Variants in NT5C3A observed in about 807,000 individuals in gnomAD.
NT5C3A encodes the protein cytosolic 5'-nucleotidase 3A.
A neutral mutation model predicts 40.0 loss-of-function variants in NT5C3A; 23 were observed. The ratio of observed to expected loss-of-function variants is 0.58; its 90% confidence interval spans 0.41 to 0.81. The LOEUF is 0.81. NT5C3A is among the 40% of genes least tolerant of loss of function. The pLI, the probability that NT5C3A is intolerant of heterozygous loss-of-function variation, is 0.00. For missense variants in NT5C3A, 328 were observed against 403.0 expected (o/e 0.81, Z 1.59); for synonymous variants, 130 against 141.4 (o/e 0.92, Z 0.57).
chr7:33,060,970 T>G (rs1191572768), intron 1 of NT5C3A, among the ~76,000 whole-genome samples: 1 of 152,248 alleles, frequency 6.6e-6, no homozygotes, highest in Non-Finnish European at 1.5e-5. Context: ...TTGACTGATT[T>G]CTTTAGTACC....
At chr7:33,062,158 T>C (rs1787801727) in intron 1 of NT5C3A, among the ~76,000 whole-genome samples, 1 of 151,616 alleles carries the variant, frequency 6.6e-6, no homozygotes, top group African/African-American at 2.4e-5. Context: ...CGGCAACGGT[T>C]TGACGCGGAT....
At chr7:33,025,667 C>T (rs1785888169) in intron 2 of NT5C3A, among the ~76,000 whole-genome samples, 1 of 152,152 alleles carries the variant, frequency 6.6e-6, no homozygotes. Flanking sequence ...AATGCTTGTA[C>T]ACAGCATGAG....
chr7:33,030,609 G>GT (rs1786194909), intron 1 of NT5C3A, among the ~76,000 whole-genome samples: 1 of 152,136 alleles, frequency 6.6e-6, no homozygotes, highest in Non-Finnish European at 1.5e-5. Flanking sequence ...AAGAATCAGG[G>GT]TATGTTGGTT....
chr7:33,026,401 T>C (rs935880082), intron 2 of NT5C3A, among the ~76,000 whole-genome samples: 18 of 151,482 alleles, frequency 1.2e-4, no homozygotes, highest in African/African-American at 4.4e-4. Context: ...GCTTTTATTT[T>C]TGGAGTGCAG....
intron 1 of NT5C3A, among the ~76,000 whole-genome samples, chr7:33,044,384 C>CT (rs1475850774): frequency 5.4e-5 from 4 of 74,652 alleles, no homozygotes; most frequent in African/African-American, 1.2e-4. Flanking sequence ...CTCTAGGGCA[C>CT]TTAAAAAAAT....
Position 33,026,904 on chromosome 7 carries a change from G to A in NT5C3A, c.150C>T (p.Phe50=). The change falls in exon 2 of 9, where the codon TTC becomes TTT. Residue 50 remains phenylalanine (F), a synonymous_variant. Coordinates refer to ENST00000610140, the MANE Select transcript of NT5C3A (RefSeq NM_001002010.5). ...TCTTGATTCGAACTGAACTTTTCTG[G>A]AATTCTGGCATCTAAAAGTAAAAGA... The part of the protein sequence containing the change: ...KTKIIEMMPE[F]QKSSVRIKNP... The A allele has an allele frequency of 6.2e-7, 1 of 1,609,574 alleles. No individual in the cohort carries two copies. Among genetic ancestry groups the A allele is most frequent in the Non-Finnish European group, 8.5e-7 (1 of 1,176,998 alleles).
intron 7 of NT5C3A, among the ~76,000 whole-genome samples, chr7:33,016,669 CAA>C (rs386409862): frequency 8.7e-5 from 8 of 91,858 alleles, no homozygotes; most frequent in Admixed American, 1.1e-4. Context: ...GACTCCCTCT[CAA>C]AAAAAAAAAA....
intron 1 of NT5C3A, among the ~76,000 whole-genome samples, chr7:33,061,696 A>AT (rs1787785645): frequency 1.3e-5 from 2 of 152,192 alleles, no homozygotes; most frequent in Admixed American, 6.5e-5. Flanking sequence ...TTTTTCTATC[A>AT]TAAATCATCT....
At chr7:33,061,200 A>T (rs1011614677) in intron 1 of NT5C3A, among the ~76,000 whole-genome samples, 1 of 152,226 alleles carries the variant, frequency 6.6e-6, no homozygotes, top group Non-Finnish European at 1.5e-5. Context: ...TGGGCAAAAG[A>T]AAGCCAAGTT....
chr7:33,034,047 C>T (rs563848703), intron 1 of NT5C3A, among the ~76,000 whole-genome samples: 13 of 151,706 alleles, frequency 8.6e-5, no homozygotes, highest in East Asian at 5.8e-4. Flanking sequence ...CCCGCCACCA[C>T]GCCTGGATAA....
chr7:33,054,090 A>T (rs2893459), intron 1 of NT5C3A, among the ~76,000 whole-genome samples: 152,288 of 152,290 alleles, frequency 1, 76,143 homozygotes, highest in Non-Finnish European at 1. Context: ...GCATGGTGGC[A>T]CATGTCTGTA....
At position 33,014,631 on chromosome 7, in the gene NT5C3A, G is replaced by A. The variant is rs765382531; in HGVS notation, c.*99C>T. ...TTCAGTTATACAAAGGGAACACTTC[G>A]AGAGTAAGGATATATTATAAATAAG... On this transcript the variant is annotated 3_prime_UTR_variant, in exon 9 of 9. Transcript: ENST00000610140. 1.3e-6 allele frequency: 2 copies of A among 1,529,994 alleles called. No individual in the cohort carries two copies. The highest frequency in any genetic ancestry group is 1.4e-5 in the African/African-American group (1 of 72,958). The allele number at this position is 1,529,994 out of a possible 1,614,324, so 94.8% of individuals were successfully genotyped here. A position where few individuals can be genotyped will look rare whatever the true frequency, so the allele number is the denominator to read the frequency against.
chr7:33,017,348 A>G, intron 7 of NT5C3A, 91 bp downstream of exon 7: 2 of 1,022,900 alleles, frequency 2.0e-6, no homozygotes, highest in Non-Finnish European at 2.9e-6. Flanking sequence ...ATTTCTGGAT[A>G]TAGGATATAT....
chr7:33,043,989 A>G (rs547416690), intron 1 of NT5C3A, among the ~76,000 whole-genome samples: 1 of 152,084 alleles, frequency 6.6e-6, no homozygotes, highest in East Asian at 1.9e-4. Flanking sequence ...GTCACTTACT[A>G]CTTATGTGAC....
chr7:33,041,716 G>A (rs1786922074), intron 1 of NT5C3A, among the ~76,000 whole-genome samples: 1 of 151,866 alleles, frequency 6.6e-6, no homozygotes, highest in Admixed American at 6.6e-5. Flanking sequence ...AAAAATAAGA[G>A]CAGTCCAACT....
chr7:33,021,097 C>T (rs1481279945), intron 5 of NT5C3A, among the ~76,000 whole-genome samples, 175 bp downstream of exon 5: 1 of 152,118 alleles, frequency 6.6e-6, no homozygotes, highest in East Asian at 1.9e-4. Flanking sequence ...AAAAGGATTC[C>T]TAAACTGTTA....
intron 1 of NT5C3A, among the ~76,000 whole-genome samples, chr7:33,037,935 G>A (rs1010525524): frequency 6.6e-6 from 1 of 152,118 alleles, no homozygotes; most frequent in African/African-American, 2.4e-5. Context: ...TTATAGTCAA[G>A]TTTAAGTAGA....
chr7:33,051,881 C>A (rs1787382038), intron 1 of NT5C3A, among the ~76,000 whole-genome samples: 1 of 152,140 alleles, frequency 6.6e-6, no homozygotes, highest in South Asian at 2.1e-4. Context: ...TCCCAACACA[C>A]TTTAAAAAAT....
intron 1 of NT5C3A, among the ~76,000 whole-genome samples, chr7:33,061,225 G>T (rs1349685217): frequency 6.6e-6 from 1 of 152,192 alleles, no homozygotes; most frequent in Non-Finnish European, 1.5e-5. Context: ...AAGCAGGAAA[G>T]CAACAAAAGC....
Sources: allele counts gnomAD v4.1 joint callset (sites outside exome capture counted in the v4.1 genomes callset), GRCh38; gene constraint gnomAD v4.1.1; transcripts MANE v1.5; gene names NCBI Gene and HGNC (gene_info 2026-07-23, HGNC 2026-07-21).